HPGDS: variants seen among roughly 807,000 people sequenced by gnomAD.
HPGDS encodes the protein GST class-sigma.
A neutral mutation model predicts 23.1 loss-of-function variants in HPGDS; 26 were observed. The observed-to-expected ratio is 1.13, with a 90% CI of 0.83 to 1.56. HPGDS has a LOEUF of 1.56. Among genes scored for constraint, HPGDS ranks in the 40% most tolerant of loss-of-function variants. The probability of loss-of-function intolerance (pLI) is 0.00; values close to 1 mark genes in which losing one functional copy is unlikely to be tolerated. For synonymous variants in HPGDS, 95 were observed against 77.9 expected (o/e 1.22, Z -1.16); for missense variants, 268 against 236.4 (o/e 1.13, Z -0.88).
At chr4:94,317,300 G>A (rs1756416717) in intron 3 of HPGDS, among the ~76,000 whole-genome samples, 1 of 152,168 alleles carries the variant, frequency 6.6e-6, no homozygotes, top group African/African-American at 2.4e-5. Flanking sequence ...GGGAGAAAGT[G>A]TGTCAGGTAA....
intron 3 of HPGDS, among the ~76,000 whole-genome samples, chr4:94,314,425 G>GT (rs909149400): frequency 6.6e-6 from 1 of 152,168 alleles, no homozygotes; most frequent in Non-Finnish European, 1.5e-5. Context: ...TTTTGCCTGG[G>GT]TATCAGCAGC....
At chr4:94,339,195 A>C (rs1721085801) in intron 1 of HPGDS, among the ~76,000 whole-genome samples, 1 of 152,230 alleles carries the variant, frequency 6.6e-6, no homozygotes, top group African/African-American at 2.4e-5. Flanking sequence ...TTTGACTAGC[A>C]TAGCAAAACT....
chr4:94,324,693 T>C (rs1756593639), intron 2 of HPGDS, among the ~76,000 whole-genome samples: 1 of 152,204 alleles, frequency 6.6e-6, no homozygotes, highest in Admixed American at 6.5e-5. Flanking sequence ...TTCCTTGTGA[T>C]GGGTTCAAAC....
chr4:94,309,402 A>T (rs1200112354), intron 3 of HPGDS, among the ~76,000 whole-genome samples: 1 of 151,896 alleles, frequency 6.6e-6, no homozygotes, highest in South Asian at 2.1e-4. Context: ...TCCTTGAGAT[A>T]GTTTGCTGAG....
intron 2 of HPGDS, among the ~76,000 whole-genome samples, chr4:94,321,294 G>T (rs1333107222): frequency 1.3e-5 from 2 of 152,128 alleles, no homozygotes; most frequent in South Asian, 4.1e-4. Flanking sequence ...TTCCAATTCT[G>T]TGAAGAAAGT....
At chr4:94,312,807 A>T (rs1053490827) in intron 3 of HPGDS, among the ~76,000 whole-genome samples, 2 of 152,142 alleles carry the variant, frequency 1.3e-5, no homozygotes, top group Non-Finnish European at 2.9e-5. Flanking sequence ...TTGGTTTATG[A>T]AACTGGGTGC....
chr4:94,308,903 C>T (rs1490803756), intron 3 of HPGDS, among the ~76,000 whole-genome samples, 160 bp from the exon 4 acceptor site: 2 of 151,976 alleles, frequency 1.3e-5, no homozygotes, highest in African/African-American at 4.8e-5. Context: ...CCTTACCTAC[C>T]TACCTTACTG....
intron 2 of HPGDS, among the ~76,000 whole-genome samples, chr4:94,324,916 A>T (rs1015820323): frequency 5.8e-4 from 88 of 152,220 alleles, no homozygotes; most frequent in African/African-American, 2.0e-3. Context: ...TTGGTCTTTG[A>T]TGATGGTGAC....
chr4:94,312,136 C>G (rs1756287950), intron 3 of HPGDS, among the ~76,000 whole-genome samples: 1 of 152,078 alleles, frequency 6.6e-6, no homozygotes, highest in South Asian at 2.1e-4. Flanking sequence ...GTCTCTATCT[C>G]CTTCAGTTCT....
rs185517280 is a variant in HPGDS, at chr4:94,325,014, G to A, written c.134-7049C>T. Reference sequence around the variant, plus strand: ...TGTTAGTTTTCCTTCTAACAGTCAGGTCCCTCAGCTGCAGGTCTGCTGGAG... The same window carrying A: ...TGTTAGTTTTCCTTCTAACAGTCAGATCCCTCAGCTGCAGGTCTGCTGGAG... On this transcript the variant is annotated intron_variant, in intron 2 of 5. Transcript: ENST00000295256. 4.6e-3 allele frequency among the ~76,000 whole-genome samples: 700 copies of A among 152,260 alleles called. 3 individuals are homozygous for A. The highest frequency in any genetic ancestry group is 0.016 in the African/African-American group (658 of 41,538).
intron 2 of HPGDS, among the ~76,000 whole-genome samples, chr4:94,325,642 T>C (rs4478194): frequency 0.99 from 151,463 of 152,334 alleles, 75,301 homozygotes; most frequent in Middle Eastern, 1. Flanking sequence ...ATTGGAAAAA[T>C]GCAGTATTTG....
At chr4:94,303,926 T>C (rs1756093602) in intron 4 of HPGDS, 2 of 152,174 alleles carry the variant, frequency 1.3e-5, no homozygotes. Flanking sequence ...TTCAGTCTAA[T>C]GAAATGTAAA....
intron 1 of HPGDS, among the ~76,000 whole-genome samples, chr4:94,338,403 C>T (rs537385726): frequency 7.9e-5 from 12 of 152,116 alleles, no homozygotes; most frequent in South Asian, 4.2e-4. Flanking sequence ...CCAGCCTGGG[C>T]GACAGTGAGA....
chr4:94,322,677 C>G (rs568880410), intron 2 of HPGDS, among the ~76,000 whole-genome samples: 3 of 152,040 alleles, frequency 2.0e-5, no homozygotes, highest in Non-Finnish European at 4.4e-5. Flanking sequence ...GTCTTGCTAG[C>G]AGTCTATCAA....
chr4:94,328,840 C>T (rs906134375), intron 2 of HPGDS, among the ~76,000 whole-genome samples: 1 of 152,146 alleles, frequency 6.6e-6, no homozygotes, highest in Admixed American at 6.5e-5. Context: ...AATAAAGTGC[C>T]AGTCACACTC....
At chr4:94,305,690 A>G (rs1756126564) in intron 4 of HPGDS, among the ~76,000 whole-genome samples, 1 of 152,052 alleles carries the variant, frequency 6.6e-6, no homozygotes, top group Non-Finnish European at 1.5e-5. Flanking sequence ...GTCAGTGACG[A>G]TTTGAATTCC....
In HPGDS at chr4:94,320,409, C is replaced by A. The variant is rs532227107; in HGVS notation, c.134-2444G>T. ...TAAAAGTGTTCCTATTTCTCCACAC[C>A]CTCTCCAGCACCTGTTGTTTCCTGA... On this transcript the variant is annotated intron_variant, in intron 2 of 5. Transcript: ENST00000295256. Among the ~76,000 whole-genome samples, 192 of 152,242 alleles carry A rather than the reference C, an allele frequency of 1.3e-3. 1 individual carries two copies. The highest frequency in any genetic ancestry group is 4.5e-3 in the African/African-American group (188 of 41,538).
At chr4:94,331,875 C>A (rs1472732494) in intron 2 of HPGDS, among the ~76,000 whole-genome samples, 1 of 152,168 alleles carries the variant, frequency 6.6e-6, no homozygotes, top group Non-Finnish European at 1.5e-5. Context: ...TCTAGGCAGA[C>A]AGCAGCAGGT....
At chr4:94,322,050 A>G (rs921009429) in intron 2 of HPGDS, among the ~76,000 whole-genome samples, 3 of 152,068 alleles carry the variant, frequency 2.0e-5, no homozygotes, top group African/African-American at 7.2e-5. Flanking sequence ...GGTTCTGTTA[A>G]GGTGATGGAT....
Sources: gnomAD v4.1 joint callset for allele counts (sites outside exome capture counted in the v4.1 genomes callset) on GRCh38, gnomAD v4.1.1 for gene constraint, MANE v1.5 for transcripts, NCBI Gene and HGNC (gene_info 2026-07-23, HGNC 2026-07-21) for gene names.